The following CUX1 variants were observed in gnomAD, a reference collection of about 807,000 sequenced individuals.
The protein encoded by CUX1 is cut like homeobox 1, also known as protein CASP.
In CUX1, 31 loss-of-function variants were observed where a neutral mutation model predicts 158.8. The ratio of observed to expected loss-of-function variants is 0.20; its 90% CI spans 0.15 to 0.26. The LOEUF is 0.26. CUX1 is among the 10% of genes least tolerant of loss of function. The pLI, the probability that CUX1 is intolerant of heterozygous loss-of-function variation, is 1.00. For synonymous variants in CUX1, 879 were observed against 862.1 expected (o/e 1.02, Z -0.34); for missense variants, 1,589 against 2,014.6 (o/e 0.79, Z 4.04).
At chr7:102,242,001 G>A (rs368083218) in intron 23 of CUX1, among the ~76,000 whole-genome samples, 56 of 152,292 alleles carry the variant, frequency 3.7e-4, no homozygotes, top group African/African-American at 1.3e-3. Context: ...TGCACAGCCA[G>A]TTTCTTCATT....
chr7:102,222,689 ACAGT>A (rs1274457550), intron 20 of CUX1, among the ~76,000 whole-genome samples: 2 of 151,862 alleles, frequency 1.3e-5, no homozygotes, highest in Non-Finnish European at 2.9e-5. Flanking sequence ...GAAGGCAGGC[ACAGT>A]CACTCTGTCA....
At chr7:102,112,530 C>T (rs986293555) in intron 7 of CUX1, among the ~76,000 whole-genome samples, 5 of 151,846 alleles carry the variant, frequency 3.3e-5, no homozygotes, top group African/African-American at 7.2e-5. Context: ...CGTGAGCCAC[C>T]GCGCCCAGCC....
intron 16 of CUX1, 39 bp downstream of exon 16, chr7:102,198,906 C>G (rs1198742123): frequency 1.9e-6 from 3 of 1,573,762 alleles, no homozygotes; most frequent in Non-Finnish European, 2.6e-6. Context: ...AGTCAGTCAC[C>G]TAGGGAAGCA....
chr7:101,888,762 G>A (rs1584891251), intron 1 of CUX1, among the ~76,000 whole-genome samples: 1 of 151,930 alleles, frequency 6.6e-6, no homozygotes, highest in Non-Finnish European at 1.5e-5. Context: ...GCTAATTTTT[G>A]TATTTTTGGT....
At chr7:102,190,909 C>A (rs1794201386) in intron 12 of CUX1, among the ~76,000 whole-genome samples, 1 of 152,178 alleles carries the variant, frequency 6.6e-6, no homozygotes. Context: ...CCCTTTCTCT[C>A]TTGCTGCTAT....
At chr7:102,263,607 C>CAT (rs1790578465) in intron 14 of CUX1, among the ~76,000 whole-genome samples, 3 of 151,160 alleles carry the variant, frequency 2.0e-5, no homozygotes, top group African/African-American at 7.3e-5. Flanking sequence ...TGAGCCACTG[C>CAT]GCCCAGCCGA....
At chr7:101,956,765 T>C (rs1809830307) in intron 2 of CUX1, among the ~76,000 whole-genome samples, 1 of 152,168 alleles carries the variant, frequency 6.6e-6, no homozygotes, top group South Asian at 2.1e-4. Context: ...CAGAGCAACA[T>C]AGCGAGACCC....
chr7:101,944,748 G>C (rs1808173167), intron 2 of CUX1, among the ~76,000 whole-genome samples: 1 of 152,138 alleles, frequency 6.6e-6, no homozygotes, highest in South Asian at 2.1e-4. Context: ...CTCTTGGTTG[G>C]TGCTTTTCCT....
upstream of CUX1, chr7:101,816,975 CG>C: frequency 1.0e-6 from 1 of 983,868 alleles, no homozygotes; most frequent in Non-Finnish European, 1.2e-6. Flanking sequence ...GCGCACCTCG[CG>C]GCCGCCGCGC....
intron 20 of CUX1, among the ~76,000 whole-genome samples, chr7:102,214,584 C>G (rs945494774): frequency 6.6e-6 from 1 of 152,378 alleles, no homozygotes; most frequent in African/African-American, 2.4e-5. Context: ...GGTCTAAATT[C>G]AGTGAACGTA....
At chr7:102,247,481 TCA>T (rs1426235993) in intron 23 of CUX1, among the ~76,000 whole-genome samples, 1 of 152,108 alleles carries the variant, frequency 6.6e-6, no homozygotes, top group Non-Finnish European at 1.5e-5. Context: ...CTTGCCTTTC[TCA>T]GTCTAGTTGG....
chr7:102,015,203 C>T (rs1818445091), intron 2 of CUX1, among the ~76,000 whole-genome samples: 1 of 152,190 alleles, frequency 6.6e-6, no homozygotes, highest in African/African-American at 2.4e-5. Context: ...CAAACTGGAA[C>T]TGCAAAAGGA....
chr7:102,104,763 C>T (rs900458565), intron 6 of CUX1, among the ~76,000 whole-genome samples: 3 of 152,070 alleles, frequency 2.0e-5, no homozygotes, highest in Middle Eastern at 3.4e-3. Context: ...GGCATGGTGG[C>T]GCACGTCTGT....
intron 14 of CUX1, among the ~76,000 whole-genome samples, chr7:102,265,378 A>G (rs1790730912): frequency 6.6e-6 from 1 of 152,016 alleles, no homozygotes; most frequent in Admixed American, 6.6e-5. Flanking sequence ...AAGAGAAAGA[A>G]AGAAACAGAC....
intron 1 of CUX1, among the ~76,000 whole-genome samples, chr7:101,859,850 C>G (rs1797246407): frequency 6.6e-6 from 1 of 151,436 alleles, no homozygotes; most frequent in Non-Finnish European, 1.5e-5. Flanking sequence ...TTGCTTCTTT[C>G]CTTCTTTCCT....
intron 1 of CUX1, among the ~76,000 whole-genome samples, chr7:101,855,553 TG>T (rs1482431146): frequency 6.6e-6 from 1 of 152,224 alleles, no homozygotes; most frequent in Non-Finnish European, 1.5e-5. Flanking sequence ...ACATTCATTT[TG>T]GTACTTTCTC....
At chr7:101,946,143 C>T (rs1808335041) in intron 2 of CUX1, among the ~76,000 whole-genome samples, 1 of 152,138 alleles carries the variant, frequency 6.6e-6, no homozygotes, top group Non-Finnish European at 1.5e-5. Flanking sequence ...AGTAGAAGAA[C>T]CAAAACCAGT....
chr7:102,048,653 A>T (rs1585414968), intron 3 of CUX1, among the ~76,000 whole-genome samples: 1 of 151,714 alleles, frequency 6.6e-6, no homozygotes, highest in Admixed American at 6.6e-5. Context: ...GCATGGTGAA[A>T]CCCCGTCTCT....
chr7:102,180,931 A>C (rs1046665891), intron 11 of CUX1, among the ~76,000 whole-genome samples: 1 of 141,046 alleles, frequency 7.1e-6, no homozygotes, highest in African/African-American at 2.9e-5. Context: ...ATTTTATTTT[A>C]TTTTATTTTA....
Sources: gnomAD v4.1 joint callset for allele counts (sites outside exome capture counted in the v4.1 genomes callset) on GRCh38, gnomAD v4.1.1 for gene constraint, MANE v1.5 for transcripts, NCBI Gene and HGNC (gene_info 2026-07-23, HGNC 2026-07-21) for gene names.